Variants in CORO1C observed in about 807,000 individuals in gnomAD.
CORO1C encodes the protein coronin-1C.
A neutral mutation model predicts 51.2 loss-of-function variants in CORO1C; 14 were observed. The observed-to-expected ratio is 0.27, with a 90% CI of 0.18 to 0.43. The LOEUF (loss-of-function observed/expected upper bound fraction) is 0.43. Ranked by LOEUF, CORO1C falls within the 20% of genes least tolerant of loss-of-function variation. CORO1C has a pLI of 1.00. For missense variants in CORO1C, 417 were observed against 607.8 expected (o/e 0.69, Z 3.30); for synonymous variants, 181 against 210.5 (o/e 0.86, Z 1.21).
At chr12:108,684,037 A>T (rs1410388176) in intron 2 of CORO1C, among the ~76,000 whole-genome samples, 1 of 152,222 alleles carries the variant, frequency 6.6e-6, no homozygotes, top group African/African-American at 2.4e-5. Flanking sequence ...GTTGTTCTTT[A>T]AAAATGTAAA....
chr12:108,655,583 T>C (rs1195503609), intron 6 of CORO1C, among the ~76,000 whole-genome samples: 1 of 152,252 alleles, frequency 6.6e-6, no homozygotes, highest in Non-Finnish European at 1.5e-5. Flanking sequence ...GGTTTCGCTG[T>C]GTTGGCGGGG....
At position 108,646,882 on chromosome 12, in the gene CORO1C, A is replaced by G. The variant is rs1238051942; in HGVS notation, c.*521T>C. ...TATCTTATCTTCATTTAGTTTATAA[A>G]CATACACAGTGCTGTCCCTTTCAAA... is the stretch of plus-strand genomic sequence containing the variant. On this transcript the variant is annotated 3_prime_UTR_variant, in exon 11 of 11. Coordinates refer to ENST00000261401, the MANE Select transcript of CORO1C (RefSeq NM_014325.4). The G allele has an allele frequency of 6.5e-6, 1 of 152,694 alleles. No homozygotes were observed. The allele number at this position is 152,694 out of a possible 1,614,324, so 9.5% of individuals were successfully genotyped here. A position where few individuals can be genotyped will look rare whatever the true frequency, so the allele number is the denominator to read the frequency against.
In CORO1C at chr12:108,647,375, T is replaced by C; in HGVS notation, c.*28A>G. On this transcript the variant is annotated 3_prime_UTR_variant, in exon 11 of 11. Coordinates refer to ENST00000261401, the MANE Select transcript of CORO1C (RefSeq NM_014325.4). ...CCCAAGCACAAGTTCTTGCTCCCAT[T>C]TTTTCTGTAGGGGTGGGGGTGGGAC... is the stretch of plus-strand genomic sequence containing the variant. 6.2e-7 allele frequency: 1 copy of C among 1,607,498 alleles called. No individual in the cohort carries two copies. The highest frequency in any genetic ancestry group is 8.5e-7 in the Non-Finnish European group (1 of 1,177,770).
intron 2 of CORO1C, among the ~76,000 whole-genome samples, chr12:108,678,708 T>C (rs1045380257): frequency 1.4e-5 from 2 of 146,498 alleles, no homozygotes; most frequent in African/African-American, 2.6e-5. Context: ...TAAAAGGATG[T>C]TCCATGGCTT....
chr12:108,722,817 A>G (rs1405349791), intron 1 of CORO1C, among the ~76,000 whole-genome samples: 1 of 152,136 alleles, frequency 6.6e-6, no homozygotes, highest in African/African-American at 2.4e-5. Context: ...TGAAGGTATG[A>G]TATGTTATTT....
chr12:108,662,329 T>G (rs1197997679), intron 3 of CORO1C, among the ~76,000 whole-genome samples, 171 bp from the exon 4 acceptor site: 1 of 151,912 alleles, frequency 6.6e-6, no homozygotes, highest in African/African-American at 2.4e-5. Flanking sequence ...TTTTTTTTTG[T>G]TTGTTTTTTT....
At chr12:108,654,259 G>A in intron 7 of CORO1C, 47 bp downstream of exon 7, 1 of 1,192,050 alleles carries the variant, frequency 8.4e-7, no homozygotes, top group East Asian at 2.3e-5. Flanking sequence ...AAGGATAAAT[G>A]TTTCCACTTA....
intron 3 of CORO1C, among the ~76,000 whole-genome samples, chr12:108,670,231 G>A (rs536050844): frequency 3.0e-4 from 46 of 152,292 alleles, no homozygotes; most frequent in African/African-American, 9.4e-4. Flanking sequence ...GATCAGCCTC[G>A]GGTGTGTGTG....
At chr12:108,712,273 T>G (rs1213764344) in intron 1 of CORO1C, among the ~76,000 whole-genome samples, 4 of 152,108 alleles carry the variant, frequency 2.6e-5, no homozygotes, top group Non-Finnish European at 4.4e-5. Context: ...AGTAAAAAAT[T>G]CCTTTTAAGA....
At chr12:108,692,928 G>A (rs1046685491) in intron 2 of CORO1C, among the ~76,000 whole-genome samples, 1 of 150,506 alleles carries the variant, frequency 6.6e-6, no homozygotes, top group African/African-American at 2.5e-5. Flanking sequence ...CTCCCGATTA[G>A]CTGCGATAAC....
intron 2 of CORO1C, among the ~76,000 whole-genome samples, chr12:108,691,282 T>C (rs2034485673): frequency 6.6e-6 from 1 of 152,058 alleles, no homozygotes; most frequent in African/African-American, 2.4e-5. Flanking sequence ...TCAACTCAGG[T>C]CCCACCCCTA....
chr12:108,726,288 G>A (rs1003275302), intron 1 of CORO1C, among the ~76,000 whole-genome samples: 8 of 151,260 alleles, frequency 5.3e-5, no homozygotes, highest in African/African-American at 9.7e-5. Context: ...GTGTAGTGGC[G>A]GGCGCCTGTA....
chr12:108,702,773 T>G (rs2034913599), intron 1 of CORO1C: 1 of 1,490,402 alleles, frequency 6.7e-7, no homozygotes, highest in Non-Finnish European at 8.9e-7. Context: ...AGAGACGAAT[T>G]TATTTTTGCC....
chr12:108,658,707 A>G lies in CORO1C; in HGVS notation c.630+31T>C, dbSNP rs1363849929. Reference sequence around the variant, plus strand: ...AGCTCACACTCACTCAAGTGCTCCAACTACTGAGTTTTCATCCTAGGAATA... The same window carrying G: ...AGCTCACACTCACTCAAGTGCTCCAGCTACTGAGTTTTCATCCTAGGAATA... On this transcript the variant is annotated intron_variant, in intron 5 of 10. Transcript: ENST00000261401. This position sits in a 1 kb window ranked among gnomAD's most constrained non-coding sequence, Gnocchi z 4.9. The G allele has an allele frequency of 4.4e-6, 7 of 1,595,856 alleles. No homozygotes were observed. The highest frequency in any genetic ancestry group is 2.3e-5 in the East Asian group (1 of 44,396).
intron 3 of CORO1C, among the ~76,000 whole-genome samples, chr12:108,670,414 CA>C (rs1482733390): frequency 2.0e-5 from 3 of 152,222 alleles, no homozygotes; most frequent in Non-Finnish European, 4.4e-5. Flanking sequence ...CTCTCAAAAT[CA>C]CCCACAGCGG....
chr12:108,657,080 AATAT>A (rs1272648812), intron 6 of CORO1C, among the ~76,000 whole-genome samples: 1 of 152,192 alleles, frequency 6.6e-6, no homozygotes, highest in Non-Finnish European at 1.5e-5. Flanking sequence ...AAAAATAAAA[AATAT>A]ATAGTCAACA....
intron 3 of CORO1C, among the ~76,000 whole-genome samples, chr12:108,663,565 A>G (rs2033357273): frequency 6.6e-6 from 1 of 152,254 alleles, no homozygotes; most frequent in South Asian, 2.1e-4. Context: ...ATGCAAAGTG[A>G]AAGAAGCCAG....
intron 2 of CORO1C, among the ~76,000 whole-genome samples, chr12:108,680,995 T>C (rs1271847155): frequency 6.6e-6 from 1 of 152,244 alleles, no homozygotes; most frequent in Non-Finnish European, 1.5e-5. Flanking sequence ...GTGTGCTCTC[T>C]TTCTCCTTCC....
intron 3 of CORO1C, among the ~76,000 whole-genome samples, chr12:108,670,068 T>TG (rs2033655772): frequency 6.6e-6 from 1 of 152,152 alleles, no homozygotes; most frequent in Non-Finnish European, 1.5e-5. Context: ...CAGCATTTTT[T>TG]GGGGGTTTTT....
Sources: allele counts gnomAD v4.1 joint callset (sites outside exome capture counted in the v4.1 genomes callset), GRCh38; gene constraint gnomAD v4.1.1; non-coding constraint Gnocchi (gnomAD v3.1); transcripts MANE v1.5; gene names NCBI Gene and HGNC (gene_info 2026-07-23, HGNC 2026-07-21).